Variants in THSD7A observed in about 807,000 individuals in gnomAD.
THSD7A encodes the protein thrombospondin type-1 domain-containing protein 7A.
THSD7A carries 96 observed loss-of-function variants against 231.3 expected under a neutral mutation model. The observed-to-expected ratio is 0.41, with a 90% CI of 0.35 to 0.49. The LOEUF (loss-of-function observed/expected upper bound fraction) is 0.49. Ranked by LOEUF, THSD7A falls within the 20% of genes least tolerant of loss-of-function variation. The probability of loss-of-function intolerance (pLI) is 0.05; values close to 1 mark genes in which losing one functional copy is unlikely to be tolerated. For missense variants in THSD7A, 2,290 were observed against 2,070.2 expected, an observed-to-expected ratio of 1.11 and a Z score of -2.06; for synonymous variants, 940 against 743.3, an observed-to-expected ratio of 1.26 and a Z score of -4.30.
intron 6 of THSD7A, among the ~76,000 whole-genome samples, chr7:11,493,987 C>T (rs755845443): frequency 6.6e-6 from 1 of 151,878 alleles, no homozygotes; most frequent in East Asian, 1.9e-4. Context: ...CAGATTTATA[C>T]CAATACACCT....
Position 11,632,173 on chromosome 7 carries a change from G to C in THSD7A, c.1022+3957C>G, listed in dbSNP as rs565023869. On this transcript the variant is annotated intron_variant, in intron 2 of 27. Transcript: ENST00000423059. The surrounding 1 kb of genome is among the most constrained non-coding windows in gnomAD (Gnocchi z 4.1). ...TCTCTTTATTTTTCAGTATTTTCCT[G>C]TCTAATACATCTATTTTTCCCTTAT... Among the ~76,000 whole-genome samples, 1 of 152,030 alleles carries C rather than the reference G, an allele frequency of 6.6e-6. No homozygotes were observed. The highest frequency in any genetic ancestry group is 2.1e-4 in the South Asian group (1 of 4,814).
intron 6 of THSD7A, among the ~76,000 whole-genome samples, chr7:11,540,556 T>G: frequency 6.6e-6 from 1 of 152,234 alleles, no homozygotes; most frequent in Admixed American, 6.5e-5. Context: ...GCACTCATGC[T>G]TCTCTGATGT....
chr7:11,533,733 C>T (rs1433226965), intron 6 of THSD7A, among the ~76,000 whole-genome samples: 2 of 152,046 alleles, frequency 1.3e-5, no homozygotes, highest in South Asian at 2.1e-4. Flanking sequence ...CAGGGCCTGT[C>T]GGGTGTGGGG....
intron 6 of THSD7A, among the ~76,000 whole-genome samples, chr7:11,515,892 A>G (rs1054893985): frequency 2.6e-5 from 4 of 152,212 alleles, no homozygotes; most frequent in African/African-American, 9.6e-5. Context: ...TTGTGACTTC[A>G]TAACTGTGAC....
At chr7:11,547,041 T>C (rs1320614919) in intron 4 of THSD7A, among the ~76,000 whole-genome samples, 1 of 152,160 alleles carries the variant, frequency 6.6e-6, no homozygotes, top group African/African-American at 2.4e-5. Flanking sequence ...TAAGGAATTA[T>C]GTGAAATATG....
intron 1 of THSD7A, among the ~76,000 whole-genome samples, chr7:11,666,534 T>C (rs1322741964): frequency 6.6e-6 from 1 of 152,008 alleles, no homozygotes; most frequent in Non-Finnish European, 1.5e-5. Flanking sequence ...TTTATTTTTG[T>C]TTTACTGCCT....
chr7:11,424,279 C>T (rs1468520662), intron 16 of THSD7A, among the ~76,000 whole-genome samples: 1 of 152,154 alleles, frequency 6.6e-6, no homozygotes. Flanking sequence ...CAGGAACCAG[C>T]TGGGGGCTTC....
At chr7:11,542,610 C>T (rs563987123) in intron 5 of THSD7A, among the ~76,000 whole-genome samples, 2 of 152,210 alleles carry the variant, frequency 1.3e-5, no homozygotes, top group Admixed American at 6.5e-5. Context: ...ATCCCTTTTA[C>T]AGATAAGGGG....
intron 1 of THSD7A, among the ~76,000 whole-genome samples, chr7:11,697,360 A>G (rs1780434782): frequency 6.6e-6 from 1 of 151,206 alleles, no homozygotes; most frequent in African/African-American, 2.4e-5. Context: ...AACAATTCTT[A>G]TTTATTTTTA....
chr7:11,434,867 G>A (rs1583734335), intron 13 of THSD7A, among the ~76,000 whole-genome samples: 5 of 151,960 alleles, frequency 3.3e-5, no homozygotes, highest in Admixed American at 3.3e-4. Context: ...AAATTACTAT[G>A]TATATATATC....
intron 1 of THSD7A, among the ~76,000 whole-genome samples, chr7:11,794,323 C>T (rs143892053): frequency 5.3e-5 from 8 of 151,976 alleles, no homozygotes; most frequent in African/African-American, 1.7e-4. Context: ...ACAGTGTTTC[C>T]TTGCATAATT....
At chr7:11,757,671 CTGACAGATTATAAG>C (rs1008242253) in intron 1 of THSD7A, among the ~76,000 whole-genome samples, 1 of 151,886 alleles carries the variant, frequency 6.6e-6, no homozygotes. Context: ...AGAAAAGTAA[CTGACAGATTATAAG>C]TTCTGTTTTT....
intron 2 of THSD7A, among the ~76,000 whole-genome samples, chr7:11,599,885 T>C (rs1357405162): frequency 2.0e-5 from 3 of 151,890 alleles, no homozygotes; most frequent in Middle Eastern, 3.2e-3. Context: ...GTGGGCACCA[T>C]CTAATCAGCT....
intron 6 of THSD7A, among the ~76,000 whole-genome samples, chr7:11,492,304 T>C (rs140850157): frequency 4.7e-4 from 72 of 152,096 alleles, no homozygotes; most frequent in African/African-American, 1.6e-3. Context: ...CTGCCTCTCT[T>C]TCTGTACTCC....
chr7:11,783,785 G>A (rs57417976), intron 1 of THSD7A, among the ~76,000 whole-genome samples: 29,027 of 151,924 alleles, frequency 0.19, 2,988 homozygotes, highest in South Asian at 0.27. Context: ...ATACACAATA[G>A]TCTAGAAATA....
At chr7:11,739,093 T>C (rs1782017204) in intron 1 of THSD7A, among the ~76,000 whole-genome samples, 3 of 152,020 alleles carry the variant, frequency 2.0e-5, no homozygotes, top group African/African-American at 7.2e-5. Flanking sequence ...GTAACAAATG[T>C]TATACTCTTC....
At chr7:11,581,217 C>G (rs901948072) in intron 4 of THSD7A, among the ~76,000 whole-genome samples, 7 of 151,940 alleles carry the variant, frequency 4.6e-5, no homozygotes, top group Non-Finnish European at 1.0e-4. Context: ...ATTGTTATTA[C>G]TACTTTTTAA....
chr7:11,778,046 A>G (rs1200097852), intron 1 of THSD7A, among the ~76,000 whole-genome samples: 2 of 144,828 alleles, frequency 1.4e-5, no homozygotes, highest in African/African-American at 2.5e-5. Flanking sequence ...AGTCCCAGCT[A>G]CTTGGGAGGC....
intron 16 of THSD7A, among the ~76,000 whole-genome samples, chr7:11,418,620 A>G (rs1389325886): frequency 6.6e-6 from 1 of 152,166 alleles, no homozygotes; most frequent in South Asian, 2.1e-4. Context: ...GATACCTGGA[A>G]TCCCAACTTT....
Sources: gnomAD v4.1 joint callset for allele counts (sites outside exome capture counted in the v4.1 genomes callset) on GRCh38, gnomAD v4.1.1 for gene constraint, Gnocchi (gnomAD v3.1) non-coding constraint, MANE v1.5 for transcripts, NCBI Gene and HGNC (gene_info 2026-07-23, HGNC 2026-07-21) for gene names.